The following RABGAP1L variants were observed in gnomAD, a reference collection of about 807,000 sequenced individuals.
RABGAP1L encodes RAB GTPase activating protein 1 like.
Under a neutral mutation model 137.7 loss-of-function variants are expected in RABGAP1L, and 63 were observed. The observed-to-expected ratio is 0.46, with a 90% CI of 0.37 to 0.56. The LOEUF (loss-of-function observed/expected upper bound fraction) is 0.56. Among genes scored for constraint, RABGAP1L ranks in the 20% least tolerant of loss-of-function variants. The pLI is 0.00. For missense variants in RABGAP1L, 1,095 were observed against 1,244.0 expected (o/e 0.88, Z 1.80); for synonymous variants, 431 against 433.7 (o/e 0.99, Z 0.08).
chr1:174,398,551 T>C (rs1648160831), intron 13 of RABGAP1L, among the ~76,000 whole-genome samples: 1 of 152,118 alleles, frequency 6.6e-6, no homozygotes, highest in Non-Finnish European at 1.5e-5. Flanking sequence ...AAGGTTACTG[T>C]CCATGGGCTG....
chr1:174,179,578 A>G lies in RABGAP1L; in HGVS notation c.-34+19921A>G, dbSNP rs1666188717. Reference sequence around the variant, plus strand: ...CACACACACACACACACACACACACACACACTTTTTAACTGAGCATATATG... The same window carrying G: ...CACACACACACACACACACACACACGCACACTTTTTAACTGAGCATATATG... On this transcript the variant is annotated intron_variant, in intron 1 of 25. Transcript: ENST00000681986. Among the ~76,000 whole-genome samples the G allele has an allele frequency of 2.2e-5, 3 of 139,292 alleles. No homozygotes were observed. In the South Asian group the frequency reaches 6.7e-4, roughly 31 times the overall value. 91.4% of individuals were successfully genotyped at this position (139,292 alleles called of 152,430 possible).
At chr1:174,650,703 C>T (rs1260149507) in intron 14 of RABGAP1L, among the ~76,000 whole-genome samples, 50 of 150,314 alleles carry the variant, frequency 3.3e-4, no homozygotes, top group African/African-American at 4.2e-4. Context: ...TTTTTTATTG[C>T]GTCTATTTGA....
At chr1:174,620,739 T>TG (rs1177836531) in intron 13 of RABGAP1L, among the ~76,000 whole-genome samples, 1 of 151,728 alleles carries the variant, frequency 6.6e-6, no homozygotes, top group Non-Finnish European at 1.5e-5. Flanking sequence ...AGAAGCAAGA[T>TG]GAAACACATT....
chr1:174,303,188 A>C (rs979853944), intron 10 of RABGAP1L, among the ~76,000 whole-genome samples: 1 of 151,866 alleles, frequency 6.6e-6, no homozygotes, highest in Non-Finnish European at 1.5e-5. Flanking sequence ...ATTCTGTTAC[A>C]TGTTTTATAT....
intron 1 of RABGAP1L, among the ~76,000 whole-genome samples, chr1:174,183,928 C>T (rs1195242524): frequency 4.1e-5 from 6 of 145,666 alleles, no homozygotes; most frequent in South Asian, 4.5e-4. Context: ...TGCAGTGGCG[C>T]GATCTCGGCT....
chr1:174,600,924 C>G (rs546129452), intron 13 of RABGAP1L, among the ~76,000 whole-genome samples: 4 of 152,234 alleles, frequency 2.6e-5, no homozygotes, highest in Admixed American at 2.6e-4. Context: ...ATTTCCCTTC[C>G]GCACTGCCCT....
intron 10 of RABGAP1L, among the ~76,000 whole-genome samples, chr1:174,288,744 T>G (rs1676300079): frequency 6.6e-6 from 1 of 152,216 alleles, no homozygotes; most frequent in Non-Finnish European, 1.5e-5. Context: ...CCTCTTCTTT[T>G]CCTAAATTTG....
intron 13 of RABGAP1L, among the ~76,000 whole-genome samples, chr1:174,419,188 A>G (rs1315467621): frequency 2.0e-5 from 3 of 152,154 alleles, no homozygotes; most frequent in African/African-American, 7.2e-5. Context: ...GCTGCCTGTT[A>G]TTTGTCAGAA....
intron 19 of RABGAP1L, among the ~76,000 whole-genome samples, chr1:174,826,154 C>T (rs1180275828): frequency 6.6e-6 from 1 of 152,170 alleles, no homozygotes. Context: ...ATTTGGTTTT[C>T]TGTTTGTGCA....
At chr1:174,338,656 T>G (rs965778112) in intron 11 of RABGAP1L, among the ~76,000 whole-genome samples, 13 of 151,962 alleles carry the variant, frequency 8.6e-5, no homozygotes, top group African/African-American at 2.7e-4. Flanking sequence ...GTATATAGTC[T>G]GGTATTTTAT....
intron 18 of RABGAP1L, among the ~76,000 whole-genome samples, chr1:174,762,896 C>G (rs951854831): frequency 6.7e-6 from 1 of 148,494 alleles, no homozygotes; most frequent in Non-Finnish European, 1.5e-5. Context: ...CTCACTGGAA[C>G]CTCCACCTCC....
intron 23 of RABGAP1L, among the ~76,000 whole-genome samples, chr1:174,980,874 T>A (rs1163940233): frequency 6.7e-6 from 1 of 149,384 alleles, no homozygotes; most frequent in Non-Finnish European, 1.5e-5. Flanking sequence ...CTAACGAAAA[T>A]AGAGAAAAGG....
intron 18 of RABGAP1L, among the ~76,000 whole-genome samples, chr1:174,781,179 C>T (rs1264412970): frequency 6.6e-6 from 1 of 152,182 alleles, no homozygotes; most frequent in African/African-American, 2.4e-5. Flanking sequence ...AGTTTACAGT[C>T]CCACCAACAC....
At chr1:174,596,656 T>C (rs908733669) in intron 13 of RABGAP1L, among the ~76,000 whole-genome samples, 5 of 152,340 alleles carry the variant, frequency 3.3e-5, no homozygotes, top group African/African-American at 1.2e-4. Flanking sequence ...TTATATCATC[T>C]GCAAAGAAGG....
At chr1:174,402,639 C>T (rs1371725731) in intron 13 of RABGAP1L, among the ~76,000 whole-genome samples, 2 of 152,228 alleles carry the variant, frequency 1.3e-5, no homozygotes, top group Non-Finnish European at 1.5e-5. Context: ...TTTCTGAAAT[C>T]CTATGTCCTT....
intron 11 of RABGAP1L, among the ~76,000 whole-genome samples, chr1:174,370,463 C>CTT (rs1183875194): frequency 0.049 from 1,870 of 37,804 alleles, 132 homozygotes; most frequent in Non-Finnish European, 0.062. Flanking sequence ...TTAAAAATAC[C>CTT]TTTTTTTTTT....
chr1:174,552,991 G>A lies in RABGAP1L; in HGVS notation c.1711-84384G>A, dbSNP rs190695515. 1.4e-4 allele frequency among the ~76,000 whole-genome samples: 22 copies of A among 152,242 alleles called. No homozygotes were observed. In the East Asian group the frequency reaches 1.5e-3, roughly 11 times the overall value. On this transcript the variant is annotated intron_variant, in intron 13 of 25. Coordinates refer to ENST00000681986, the MANE Select transcript of RABGAP1L (RefSeq NM_001366446.1). ...CTAATGTAATGATCAGTGATGTTTAGCTTTTTTCCATATTATTTTTGGCCA... is the reference window on the plus strand; with the variant it reads ...CTAATGTAATGATCAGTGATGTTTAACTTTTTTCCATATTATTTTTGGCCA...
chr1:174,587,231 C>T (rs998925448), intron 13 of RABGAP1L, among the ~76,000 whole-genome samples: 1 of 133,852 alleles, frequency 7.5e-6, no homozygotes, highest in Admixed American at 9.0e-5. Flanking sequence ...GTCTTTATAG[C>T]AGCATGATTT....
At chr1:174,722,960 A>G (rs1195174498) in intron 17 of RABGAP1L, among the ~76,000 whole-genome samples, 5 of 152,230 alleles carry the variant, frequency 3.3e-5, no homozygotes, top group Admixed American at 3.3e-4. Flanking sequence ...GTCACAGTAC[A>G]TGATGGAGAC....
Sources: gnomAD v4.1 joint callset for allele counts (sites outside exome capture counted in the v4.1 genomes callset) on GRCh38, gnomAD v4.1.1 for gene constraint, MANE v1.5 for transcripts, NCBI Gene and HGNC (gene_info 2026-07-23, HGNC 2026-07-21) for gene names.